The following RBFOX1 variants were observed in gnomAD, a reference collection of about 807,000 sequenced individuals.
The protein encoded by RBFOX1 is RNA binding fox-1 homolog 1.
A neutral mutation model predicts 57.7 loss-of-function variants in RBFOX1; 8 were observed. That is an observed-to-expected ratio of 0.14 (90% confidence interval 0.08 to 0.25). The LOEUF is 0.25. Among genes scored for constraint, RBFOX1 ranks in the 10% least tolerant of loss-of-function variants. The pLI is 1.00. For synonymous variants in RBFOX1, 326 were observed against 222.4 expected (o/e 1.47, Z -4.15); for missense variants, 611 against 548.5 (o/e 1.11, Z -1.14).
At chr16:6,790,168 T>TGTA (rs1567254659) in intron 3 of RBFOX1, among the ~76,000 whole-genome samples, 2 of 68,582 alleles carry the variant, frequency 2.9e-5, no homozygotes, top group African/African-American at 1.5e-4. Context: ...TTTATTTTAT[T>TGTA]CTATTATTAT....
intron 2 of RBFOX1, among the ~76,000 whole-genome samples, chr16:6,378,032 C>T (rs1361427744): frequency 1.3e-5 from 2 of 152,196 alleles, no homozygotes; most frequent in East Asian, 1.9e-4. Flanking sequence ...TCCTCTGCGT[C>T]CTCTGGTCTT....
At chr16:5,516,281 T>A (rs561029959) in intron 2 of RBFOX1, among the ~76,000 whole-genome samples, 4 of 152,288 alleles carry the variant, frequency 2.6e-5, no homozygotes, top group African/African-American at 9.6e-5. Context: ...CTATCTTCCA[T>A]CACTTCCTGT....
intron 4 of RBFOX1, among the ~76,000 whole-genome samples, chr16:7,256,585 C>G (rs749163588): frequency 3.9e-5 from 6 of 152,144 alleles, no homozygotes; most frequent in Non-Finnish European, 7.3e-5. Flanking sequence ...ACTGTGTGTG[C>G]GTTGATGTAT....
intron 3 of RBFOX1, among the ~76,000 whole-genome samples, chr16:5,623,498 A>G (rs1416561650): frequency 6.6e-6 from 1 of 152,168 alleles, no homozygotes; most frequent in African/African-American, 2.4e-5. Context: ...GGACAGGCCC[A>G]TGAAGACTTT....
chr16:5,376,590 G>A lies in RBFOX1; in HGVS notation c.220-90626G>A, dbSNP rs1186736142. Among the ~76,000 whole-genome samples the A allele has an allele frequency of 2.0e-5, 3 of 152,092 alleles. No individual in the cohort carries two copies. The South Asian group carries it at 6.2e-4, about 32-fold the overall frequency. ...GGTGGTGCACACAAGCAGTGTTGCC[G>A]GGAGACATTTTCAGCAGGATGAGGA... On this transcript the variant is annotated intron_variant, in intron 1 of 2. Transcript: ENST00000585867.
chr16:6,929,637 C>A (rs1461083105), intron 3 of RBFOX1, among the ~76,000 whole-genome samples: 2 of 152,066 alleles, frequency 1.3e-5, no homozygotes, highest in African/African-American at 4.8e-5. Flanking sequence ...TTTTTCTCAC[C>A]TTTAGGGATT....
chr16:6,836,468 G>C (rs1416802432), intron 3 of RBFOX1, among the ~76,000 whole-genome samples: 1 of 152,202 alleles, frequency 6.6e-6, no homozygotes, highest in Non-Finnish European at 1.5e-5. Flanking sequence ...GCTCTGTGCA[G>C]AGGTATCTTG....
rs142157694 is a variant in RBFOX1, at chr16:7,165,387, G to GTAATAA, written c.27+113306_27+113311dup. Among the ~76,000 whole-genome samples the GTAATAA allele has an allele frequency of 3.1e-3, 444 of 141,194 alleles. 3 individuals carry two copies. Among genetic ancestry groups the GTAATAA allele is most frequent in the East Asian group, 6.2e-3 (30 of 4,822 alleles). The allele number at this position is 141,194 out of a possible 152,430, so 92.6% of individuals were successfully genotyped here. A position where few individuals can be genotyped will look rare whatever the true frequency, so the allele number is the denominator to read the frequency against. On this transcript the variant is annotated intron_variant, in intron 4 of 15. Coordinates refer to ENST00000550418, the MANE Select transcript of RBFOX1 (RefSeq NM_018723.4). Reference sequence around the variant, plus strand: ...TAGAGGCCCAGATCATAACTCTTCTGTAATAATAATAATAATAATAATGAT... The same window carrying GTAATAA: ...TAGAGGCCCAGATCATAACTCTTCTGTAATAATAATAATAATAATAATAATAATGAT...
At chr16:5,776,415 C>A (rs2054151394) in intron 3 of RBFOX1, among the ~76,000 whole-genome samples, 1 of 152,156 alleles carries the variant, frequency 6.6e-6, no homozygotes, top group African/African-American at 2.4e-5. Flanking sequence ...AACCTGCATC[C>A]CTCTGTGTGA....
At chr16:7,292,948 G>A (rs1020534554) in intron 4 of RBFOX1, among the ~76,000 whole-genome samples, 18 of 152,118 alleles carry the variant, frequency 1.2e-4, no homozygotes, top group Admixed American at 1.2e-3. Flanking sequence ...AGAGGATGAA[G>A]GGGTGAGGAT....
chr16:5,600,774 A>G (rs1166108669), downstream of RBFOX1, among the ~76,000 whole-genome samples: 1 of 152,114 alleles, frequency 6.6e-6, no homozygotes, highest in Non-Finnish European at 1.5e-5. Context: ...GAAGAAGAGG[A>G]AGAAGAGGAA....
intron 3 of RBFOX1, among the ~76,000 whole-genome samples, chr16:6,845,946 G>C (rs2093732927): frequency 6.6e-6 from 1 of 152,132 alleles, no homozygotes; most frequent in African/African-American, 2.4e-5. Flanking sequence ...ATGGACAGCA[G>C]ATGCTTCTTC....
At chr16:7,396,791 A>G (rs565166418) in intron 4 of RBFOX1, among the ~76,000 whole-genome samples, 2 of 152,056 alleles carry the variant, frequency 1.3e-5, no homozygotes, top group Non-Finnish European at 2.9e-5. Flanking sequence ...AATACAATCA[A>G]TTAGCCAGGT....
chr16:7,062,149 C>G (rs1021375414), intron 4 of RBFOX1, among the ~76,000 whole-genome samples: 1 of 151,562 alleles, frequency 6.6e-6, no homozygotes, highest in Admixed American at 6.6e-5. Context: ...AACCCCATCT[C>G]TACTAAAAAC....
At chr16:5,704,693 T>G (rs11076952) in intron 3 of RBFOX1, among the ~76,000 whole-genome samples, 1 of 152,004 alleles carries the variant, frequency 6.6e-6, no homozygotes, top group South Asian at 2.1e-4. Context: ...GGCTAGGGTT[T>G]CATTTGGCTC....
chr16:7,633,462 A>ATAT (rs1481582921), intron 11 of RBFOX1, among the ~76,000 whole-genome samples: 1 of 152,322 alleles, frequency 6.6e-6, no homozygotes, highest in East Asian at 1.9e-4. Flanking sequence ...TCATTATATT[A>ATAT]TATTTTAATC....
At chr16:7,168,760 C>T (rs1041731481) in intron 4 of RBFOX1, among the ~76,000 whole-genome samples, 2 of 152,150 alleles carry the variant, frequency 1.3e-5, no homozygotes, top group South Asian at 4.1e-4. Flanking sequence ...TTTATTCACT[C>T]CATAATGTAC....
At chr16:6,392,126 G>A (rs372027406) in intron 2 of RBFOX1, among the ~76,000 whole-genome samples, 1 of 152,170 alleles carries the variant, frequency 6.6e-6, no homozygotes, top group East Asian at 1.9e-4. Flanking sequence ...CTGTTCTATG[G>A]CCTGGGAGGG....
intron 2 of RBFOX1, among the ~76,000 whole-genome samples, chr16:6,640,895 A>G (rs12935673): frequency 0.063 from 9,521 of 152,160 alleles, 395 homozygotes; most frequent in Non-Finnish European, 0.091. Flanking sequence ...GAACATCAGA[A>G]CAGCACCAGA....
Sources: gnomAD v4.1 joint callset for allele counts (sites outside exome capture counted in the v4.1 genomes callset) on GRCh38, gnomAD v4.1.1 for gene constraint, MANE v1.5 for transcripts, NCBI Gene and HGNC (gene_info 2026-07-23, HGNC 2026-07-21) for gene names.